SEMA3E: variants seen among roughly 807,000 people sequenced by gnomAD.
SEMA3E encodes the protein semaphorin-3E.
In SEMA3E, 49 loss-of-function variants were observed where a neutral mutation model predicts 93.6. That is an observed-to-expected ratio of 0.52 (90% confidence interval 0.42 to 0.66). The LOEUF (loss-of-function observed/expected upper bound fraction) is 0.66, where lower values mean the gene tolerates loss of function less well. SEMA3E is among the 30% of genes least tolerant of loss of function. The pLI is 0.00. For synonymous variants in SEMA3E, 363 were observed against 330.7 expected (o/e 1.10, Z -1.06); for missense variants, 906 against 964.8 (o/e 0.94, Z 0.81).
At chr7:83,498,074 T>C (rs1281815899) in intron 1 of SEMA3E, among the ~76,000 whole-genome samples, 1 of 129,658 alleles carries the variant, frequency 7.7e-6, no homozygotes, top group East Asian at 2.5e-4. Flanking sequence ...ATAGTAAATA[T>C]ATTTTCTCTT....
rs56867715 is a variant in SEMA3E at position 83,363,860 on chromosome 7, ATTTTTTTTTTTTTTTTTTTTTTTT to A, written c.*3702_*3725del. On this transcript the variant is annotated 3_prime_UTR_variant, in exon 17 of 17. Coordinates refer to ENST00000643230, the MANE Select transcript of SEMA3E (RefSeq NM_012431.3). ...GGCTACAGGTGTCACAGGTCAATTC[ATTTTTTTTTTTTTTTTTTTTTTTT>A]TTTTTTTTTTTTTTTTTTTTTGAGA... 1.7e-4 allele frequency: 13 copies of A among 76,920 alleles called. No homozygotes were observed. Among genetic ancestry groups the A allele is most frequent in the Non-Finnish European group, 1.2e-4 (5 of 42,722 alleles). The allele number at this position is 76,920 out of a possible 1,614,324, so 4.8% of individuals were successfully genotyped here. A position where few individuals can be genotyped will look rare whatever the true frequency, so the allele number is the denominator to read the frequency against.
At chr7:83,465,941 G>A (rs1254087537) in intron 4 of SEMA3E, among the ~76,000 whole-genome samples, 1 of 152,102 alleles carries the variant, frequency 6.6e-6, no homozygotes, top group Non-Finnish European at 1.5e-5. Context: ...TCACCTAGTG[G>A]CAAAGTCTTA....
chr7:83,497,454 C>T (rs1032898775), intron 1 of SEMA3E, among the ~76,000 whole-genome samples: 6 of 151,918 alleles, frequency 3.9e-5, no homozygotes, highest in East Asian at 3.9e-4. Context: ...CAATATTGTC[C>T]TAAGGTTAAT....
chr7:83,474,414 C>T (rs1789967731), intron 2 of SEMA3E, among the ~76,000 whole-genome samples: 2 of 152,134 alleles, frequency 1.3e-5, no homozygotes, highest in Admixed American at 6.6e-5. Context: ...CAATGAGCCC[C>T]AAGCAGTTTT....
intron 16 of SEMA3E, 86 bp from the exon 17 acceptor site, chr7:83,368,124 T>G (rs1794700195): frequency 8.0e-7 from 1 of 1,250,926 alleles, no homozygotes; most frequent in Non-Finnish European, 1.2e-6. Context: ...TATCTTGAAT[T>G]TTTTCATTTT....
At chr7:83,527,645 C>T (rs1791188459) in intron 1 of SEMA3E, among the ~76,000 whole-genome samples, 1 of 152,080 alleles carries the variant, frequency 6.6e-6, no homozygotes, top group Admixed American at 6.6e-5. Flanking sequence ...TTTGGGGTTT[C>T]AATATTTCAT....
chr7:83,457,626 G>A (rs1287465190), intron 4 of SEMA3E, among the ~76,000 whole-genome samples: 5 of 151,996 alleles, frequency 3.3e-5, no homozygotes, highest in Non-Finnish European at 5.9e-5. Context: ...ATACCTTCAT[G>A]ATCTCTCATA....
intron 1 of SEMA3E, among the ~76,000 whole-genome samples, chr7:83,533,935 G>T (rs1791356757): frequency 6.6e-6 from 1 of 152,116 alleles, no homozygotes; most frequent in African/African-American, 2.4e-5. Flanking sequence ...TTCAGGGAGG[G>T]CTTCTTGCCT....
intron 1 of SEMA3E, among the ~76,000 whole-genome samples, chr7:83,631,921 C>T (rs977391555): frequency 9.9e-5 from 15 of 151,994 alleles, no homozygotes; most frequent in Non-Finnish European, 1.8e-4. Flanking sequence ...TTTGGGAGGC[C>T]GAGGCAGGCA....
At chr7:83,504,867 C>T (rs1445831496) in intron 1 of SEMA3E, among the ~76,000 whole-genome samples, 3 of 151,444 alleles carry the variant, frequency 2.0e-5, no homozygotes, top group South Asian at 4.2e-4. Context: ...TTTCACTTAC[C>T]CTTCACTCCA....
intron 3 of SEMA3E, among the ~76,000 whole-genome samples, chr7:83,467,546 T>A (rs1029857895): frequency 1.3e-5 from 2 of 152,162 alleles, no homozygotes; most frequent in Admixed American, 1.3e-4. Flanking sequence ...ACTTTTTCTG[T>A]AAAGGACGAG....
At chr7:83,374,595 T>A (rs1029163560) in intron 16 of SEMA3E, among the ~76,000 whole-genome samples, 1 of 152,100 alleles carries the variant, frequency 6.6e-6, no homozygotes, top group African/African-American at 2.4e-5. Flanking sequence ...TAAGTAACAG[T>A]CAAGCAATGA....
At chr7:83,410,002 AATAAT>A (rs1230878533) in intron 5 of SEMA3E, among the ~76,000 whole-genome samples, 1 of 151,710 alleles carries the variant, frequency 6.6e-6, no homozygotes, top group Non-Finnish European at 1.5e-5. Context: ...CCAAATTTAG[AATAAT>A]ATGATATAAA....
chr7:83,541,185 T>A (rs146046531), intron 1 of SEMA3E, among the ~76,000 whole-genome samples: 34 of 152,332 alleles, frequency 2.2e-4, no homozygotes, highest in Non-Finnish European at 1.9e-4. Context: ...AGATGACTTT[T>A]CACATATCGT....
chr7:83,616,243 T>C (rs762144111), intron 1 of SEMA3E, among the ~76,000 whole-genome samples: 4 of 152,144 alleles, frequency 2.6e-5, no homozygotes, highest in Non-Finnish European at 5.9e-5. Flanking sequence ...GTACACAATA[T>C]AGAAATATTT....
chr7:83,413,792 GTTTA>G (rs888273988), intron 5 of SEMA3E, among the ~76,000 whole-genome samples: 4 of 152,006 alleles, frequency 2.6e-5, no homozygotes, highest in African/African-American at 9.7e-5. Flanking sequence ...TTTTGAATCT[GTTTA>G]TTTGTGTGTG....
At chr7:83,435,594 C>CAA (rs199592504) in intron 4 of SEMA3E, among the ~76,000 whole-genome samples, 3 of 149,634 alleles carry the variant, frequency 2.0e-5, no homozygotes, top group Non-Finnish European at 3.0e-5. Flanking sequence ...AACCTCCGTC[C>CAA]AAAAAAAATA....
At position 83,367,897 on chromosome 7, in the gene SEMA3E, C is replaced by T; in HGVS notation, c.2017G>A (p.Val673Met). The change falls in exon 17 of 17, where the codon GTG becomes ATG. Residue 673 changes from valine (V) to methionine (M), a missense_variant. Val to Met is a conservative substitution (Grantham distance 21). Transcript: ENST00000643230. ...ATATCCTCGACTTTCTCCTCTTCCACTACCTCCAAGGTGATTTTACGGACC... is the reference window on the plus strand; with the variant it reads ...ATATCCTCGACTTTCTCCTCTTCCATTACCTCCAAGGTGATTTTACGGACC... ...HTVRKITLEV[V>M]EEEKVEDMFN... 1 of 1,610,676 alleles carries T rather than the reference C, an allele frequency of 6.2e-7. No homozygotes were observed. Among genetic ancestry groups the T allele is most frequent in the South Asian group, 1.1e-5 (1 of 90,860 alleles).
chr7:83,518,777 C>T (rs17157694), intron 1 of SEMA3E, among the ~76,000 whole-genome samples: 18,037 of 151,994 alleles, frequency 0.12, 1,397 homozygotes, highest in South Asian at 0.21. Context: ...GTCTAGCTCA[C>T]GCCTTCCTCT....
Sources: gnomAD v4.1 joint callset for allele counts (sites outside exome capture counted in the v4.1 genomes callset) on GRCh38, gnomAD v4.1.1 for gene constraint, MANE v1.5 for transcripts, NCBI Gene and HGNC (gene_info 2026-07-23, HGNC 2026-07-21) for gene names.